GINS1: variants seen among roughly 807,000 people sequenced by gnomAD.
GINS1 encodes the protein DNA replication complex GINS protein PSF1.
GINS1 carries 26 observed loss-of-function variants against 34.9 expected under a neutral mutation model. The observed-to-expected ratio is 0.74, with a 90% CI of 0.55 to 1.03. GINS1 has a LOEUF of 1.03. Among genes scored for constraint, GINS1 ranks in the 50% least tolerant of loss-of-function variants. The pLI, the probability that GINS1 is intolerant of heterozygous loss-of-function variation, is 0.00. For synonymous variants in GINS1, 97 were observed against 84.4 expected (o/e 1.15, Z -0.82); for missense variants, 235 against 237.9 (o/e 0.99, Z 0.08).
chr20:25,418,123 G>A lies in GINS1; in HGVS notation c.258G>A (p.Arg86=). The part of the protein sequence containing the change: ...TVAYLYDRLL[R]IRALRWEYGS... ...GTCCTAGGTATGACCGCTTGCTTCG[G>A]ATCAGAGCACTCAGATGGGAATATG... Residue 86 remains arginine, a synonymous_variant, in exon 4 of 7, where the codon CGG becomes CGA. Transcript: ENST00000262460. 1 of 1,599,928 alleles carries A rather than the reference G, an allele frequency of 6.3e-7. No homozygotes were observed. Among genetic ancestry groups the A allele is most frequent in the Non-Finnish European group, 8.6e-7 (1 of 1,166,914 alleles).
In GINS1 at chr20:25,413,736, C is replaced by G. The variant is rs186055342; in HGVS notation, c.76-54C>G. 2.4e-4 allele frequency: 242 copies of G among 999,986 alleles called. 2 individuals are homozygous for G. The African/African-American group carries it at 3.0e-3, about 13-fold the overall frequency. The allele number at this position is 999,986 out of a possible 1,614,324, so 61.9% of individuals were successfully genotyped here. ...ACAGTTCAGTATTGATAGCATATTGCCACAGAATTGGTGGGGAAATCAGTG... is the reference window on the plus strand; with the variant it reads ...ACAGTTCAGTATTGATAGCATATTGGCACAGAATTGGTGGGGAAATCAGTG... On this transcript the variant is annotated intron_variant, in intron 1 of 6. Transcript: ENST00000262460.
At chr20:25,439,932 T>C (rs1942133426) in intron 5 of GINS1, among the ~76,000 whole-genome samples, 1 of 150,198 alleles carries the variant, frequency 6.7e-6, no homozygotes, top group African/African-American at 2.5e-5. Flanking sequence ...GAAGCGGAGG[T>C]TCCAGTGAGC....
chr20:25,415,697 A>G (rs888716660), intron 2 of GINS1, among the ~76,000 whole-genome samples: 1 of 152,006 alleles, frequency 6.6e-6, no homozygotes, highest in African/African-American at 2.4e-5. Flanking sequence ...AAAAAAAAAA[A>G]AAAAAAAAGA....
chr20:25,447,043 T>A lies in GINS1; in HGVS notation c.*1052T>A, dbSNP rs1276900402. 1 of 152,066 alleles carries A rather than the reference T, an allele frequency of 6.6e-6. No homozygotes were observed. Among genetic ancestry groups the A allele is most frequent in the Non-Finnish European group, 1.5e-5 (1 of 68,036 alleles). The allele number at this position is 152,066 out of a possible 1,614,324, so 9.4% of individuals were successfully genotyped here. On this transcript the variant is annotated 3_prime_UTR_variant, in exon 7 of 7. Transcript: ENST00000262460. ...TTTTTGTTTTGTTTTGTTTTTTCGT[T>A]TGTTTCTTTGTTTTGAGATGGAGTC...
At chr20:25,418,696 A>G (rs542736052) in intron 4 of GINS1, among the ~76,000 whole-genome samples, 64 of 152,328 alleles carry the variant, frequency 4.2e-4, no homozygotes, top group Non-Finnish European at 8.4e-4. Context: ...TTACCTATCT[A>G]TTACAGGTTG....
chr20:25,420,289 A>T (rs2146199480), intron 4 of GINS1, among the ~76,000 whole-genome samples: 1 of 151,456 alleles, frequency 6.6e-6, no homozygotes, highest in South Asian at 2.1e-4. Context: ...GCCCACCACT[A>T]CACCCAGCTA....
rs926327829 is a variant in GINS1, at chr20:25,440,529, G to A, written c.448-1173G>A. Among the ~76,000 whole-genome samples, 9 of 152,088 alleles carry A rather than the reference G, an allele frequency of 5.9e-5. No homozygotes were observed. In the South Asian group the frequency reaches 1.2e-3, roughly 21 times the overall value. On this transcript the variant is annotated intron_variant, in intron 5 of 6. Transcript: ENST00000262460. ...AAAGTTTATTTAGAGAAGCAAATGC[G>A]GCCAGGCGTGGTGGCTCATGCCTGT...
chr20:25,432,830 A>G (rs1007637891), intron 5 of GINS1, among the ~76,000 whole-genome samples: 4 of 148,864 alleles, frequency 2.7e-5, no homozygotes, highest in African/African-American at 7.3e-5. Flanking sequence ...TATATTTATC[A>G]TATATTATGT....
intron 4 of GINS1, chr20:25,420,746 C>T (rs534721131): frequency 3.3e-4 from 132 of 402,702 alleles, no homozygotes; most frequent in African/African-American, 2.3e-3. Context: ...CGCACCACTG[C>T]ACTCTGGTCT....
intron 5 of GINS1, among the ~76,000 whole-genome samples, chr20:25,432,834 ATTATG>A (rs1266407096): frequency 1.3e-5 from 2 of 148,756 alleles, no homozygotes; most frequent in African/African-American, 4.9e-5. Flanking sequence ...TTTATCATAT[ATTATG>A]TTATATAGTA....
At chr20:25,410,755 G>C (rs914121980) in intron 1 of GINS1, among the ~76,000 whole-genome samples, 2 of 151,900 alleles carry the variant, frequency 1.3e-5, no homozygotes, top group African/African-American at 4.8e-5. Context: ...TAGAGATGGG[G>C]TTTCACTATT....
At chr20:25,436,702 T>G (rs1159605553) in intron 5 of GINS1, among the ~76,000 whole-genome samples, 1 of 152,222 alleles carries the variant, frequency 6.6e-6, no homozygotes, top group Non-Finnish European at 1.5e-5. Flanking sequence ...ATACATTGTT[T>G]CCATAACTTT....
At chr20:25,421,015 A>C in intron 4 of GINS1, 1 of 954,972 alleles carries the variant, frequency 1.0e-6, no homozygotes, top group East Asian at 1.2e-4. Context: ...ATAGGAGCCT[A>C]TGAGGTCTGA....
intron 1 of GINS1, among the ~76,000 whole-genome samples, chr20:25,413,249 A>G (rs551088220): frequency 2.0e-5 from 3 of 152,000 alleles, no homozygotes; most frequent in Non-Finnish European, 4.4e-5. Context: ...GGGTTTCACC[A>G]TGTTGACCAG....
chr20:25,427,644 A>G (rs950625616), intron 5 of GINS1, among the ~76,000 whole-genome samples: 2 of 151,982 alleles, frequency 1.3e-5, no homozygotes, highest in Admixed American at 6.6e-5. Context: ...GGCCCCCTTT[A>G]TGGGGCCCAT....
At chr20:25,439,418 A>G (rs1471942506) in intron 5 of GINS1, among the ~76,000 whole-genome samples, 2 of 152,212 alleles carry the variant, frequency 1.3e-5, no homozygotes, top group Non-Finnish European at 2.9e-5. Flanking sequence ...CACGTCTGTA[A>G]TCCCAACACT....
At chr20:25,413,654 A>G in intron 1 of GINS1, 136 bp from the exon 2 acceptor site, 1 of 631,258 alleles carries the variant, frequency 1.6e-6, no homozygotes, top group African/African-American at 1.8e-5. Context: ...TGTTATAACC[A>G]TGCTAGTGGG....
chr20:25,439,000 C>G (rs1357181981), intron 5 of GINS1, among the ~76,000 whole-genome samples: 1 of 152,196 alleles, frequency 6.6e-6, no homozygotes, highest in Non-Finnish European at 1.5e-5. Flanking sequence ...TATACAAACT[C>G]TATCTTAAGG....
At chr20:25,433,208 T>A (rs2090436746) in intron 5 of GINS1, among the ~76,000 whole-genome samples, 1 of 152,206 alleles carries the variant, frequency 6.6e-6, no homozygotes, top group South Asian at 2.1e-4. Context: ...GTCATTTTGC[T>A]GTTTTTCTAT....
Sources: allele counts gnomAD v4.1 joint callset (sites outside exome capture counted in the v4.1 genomes callset), GRCh38; gene constraint gnomAD v4.1.1; transcripts MANE v1.5; gene names NCBI Gene and HGNC (gene_info 2026-07-23, HGNC 2026-07-21).